The following SETD2 variants were observed in gnomAD, a reference collection of about 807,000 sequenced individuals.
SETD2 encodes the protein SET domain containing 2, histone lysine methyltransferase.
Under a neutral mutation model 242.1 loss-of-function variants are expected in SETD2, and 31 were observed. That is an observed-to-expected ratio of 0.13 (90% CI 0.10 to 0.17). The LOEUF (loss-of-function observed/expected upper bound fraction) is 0.17, where lower values mean the gene tolerates loss of function less well. Among genes scored for constraint, SETD2 ranks in the 10% least tolerant of loss-of-function variants. The pLI, the probability that SETD2 is intolerant of heterozygous loss-of-function variation, is 1.00. For missense variants in SETD2, 2,481 were observed against 3,046.3 expected (o/e 0.81, Z 4.37); for synonymous variants, 1,006 against 1,066.5 (o/e 0.94, Z 1.11).
At chr3:47,163,162 G>C (rs187233074) in intron 1 of SETD2, among the ~76,000 whole-genome samples, 1 of 152,326 alleles carries the variant, frequency 6.6e-6, no homozygotes, top group East Asian at 1.9e-4. Flanking sequence ...AAACAAACCC[G>C]GTGTCACCTC....
intron 12 of SETD2, among the ~76,000 whole-genome samples, chr3:47,071,902 T>C: frequency 6.6e-6 from 1 of 152,098 alleles, no homozygotes; most frequent in East Asian, 1.9e-4. Flanking sequence ...AAAAATATAC[T>C]GTAGAAACAG....
intron 1 of SETD2, among the ~76,000 whole-genome samples, chr3:47,161,334 T>C (rs1697483574): frequency 6.6e-6 from 1 of 152,172 alleles, no homozygotes; most frequent in Admixed American, 6.5e-5. Context: ...TTCAGAGAGA[T>C]GAAGTCATCG....
At position 47,122,649 on chromosome 3, in the gene SETD2, A is replaced by C. The variant is rs1183408470; in HGVS notation, c.1987T>G (p.Leu663Val). The change falls in exon 3 of 21, where the codon TTA (leucine) becomes GTA (valine). Residue 663 changes from leucine to valine, a missense_variant. Around this residue, in one of 17 missense-constraint regions of SETD2, gnomAD observed 1,300 missense variants for 1,259.2 expected, o/e 1.03. Coordinates refer to ENST00000409792, the MANE Select transcript of SETD2 (RefSeq NM_014159.7). ...DSLSKVKNDQ[L>V]RSFCPIELNI... is the part of the protein sequence containing the mutation. ...AATTCTATGGGACAAAAACTTCTTA[A>C]TTGATCATTCTTCACTTTAGATAAA... 1.2e-6 allele frequency: 2 copies of C among 1,613,496 alleles called. No individual in the cohort carries two copies. Among genetic ancestry groups the C allele is most frequent in the Admixed American group, 1.7e-5 (1 of 59,988 alleles).
At chr3:47,109,504 A>C (rs1390320330) in intron 5 of SETD2, among the ~76,000 whole-genome samples, 2 of 151,974 alleles carry the variant, frequency 1.3e-5, no homozygotes, top group Non-Finnish European at 2.9e-5. Flanking sequence ...AAAAATTAGC[A>C]GAGTATGGTA....
chr3:47,043,374 GA>G (rs1435427985), intron 16 of SETD2, among the ~76,000 whole-genome samples: 2 of 152,152 alleles, frequency 1.3e-5, no homozygotes, highest in Non-Finnish European at 2.9e-5. Context: ...CACTCACAGA[GA>G]AAAGGTATAT....
At chr3:47,139,475 C>G (rs2043676111) in intron 1 of SETD2, among the ~76,000 whole-genome samples, 1 of 152,194 alleles carries the variant, frequency 6.6e-6, no homozygotes, top group Non-Finnish European at 1.5e-5. Context: ...GAGACAAAGG[C>G]AACATCTTGT....
intron 12 of SETD2, among the ~76,000 whole-genome samples, chr3:47,075,505 G>A (rs1437580912): frequency 2.1e-5 from 3 of 141,170 alleles, no homozygotes; most frequent in African/African-American, 8.0e-5. Context: ...CAGAGGTTGT[G>A]GTGAGCCAAG....
At chr3:47,117,762 C>T (rs12487863) in intron 3 of SETD2, among the ~76,000 whole-genome samples, 4,652 of 152,278 alleles carry the variant, frequency 0.031, 232 homozygotes, top group East Asian at 0.13. Context: ...TGGAGAAGAA[C>T]ATAAACTGCT....
chr3:47,102,524 C>T (rs1229956761), intron 7 of SETD2, among the ~76,000 whole-genome samples: 1 of 152,214 alleles, frequency 6.6e-6, no homozygotes, highest in Non-Finnish European at 1.5e-5. Flanking sequence ...GGTGCGGAGG[C>T]TCACGCCTAT....
intron 14 of SETD2, among the ~76,000 whole-genome samples, chr3:47,058,440 C>CAAAAAAAAA (rs1174283471): frequency 5.0e-4 from 11 of 21,972 alleles, no homozygotes; most frequent in African/African-American, 2.2e-3. Context: ...GACACCGTCT[C>CAAAAAAAAA]AAAAAAAAAA....
chr3:47,101,597 A>AGTGTGTGTGT (rs61571386), intron 7 of SETD2, 42 bp from the exon 8 acceptor site: 31 of 734,108 alleles, frequency 4.2e-5, no homozygotes, highest in Middle Eastern at 3.0e-4. Context: ...GTAACTTATT[A>AGTGTGTGTGT]GTGTGTGTGT....
intron 5 of SETD2, among the ~76,000 whole-genome samples, chr3:47,108,395 G>A (rs1444011125): frequency 3.9e-5 from 6 of 152,108 alleles, no homozygotes; most frequent in Admixed American, 6.5e-5. Flanking sequence ...ATCTGGCATC[G>A]ATATTATGCC....
At chr3:47,048,110 C>T (rs367895050) in intron 15 of SETD2, among the ~76,000 whole-genome samples, 3 of 152,090 alleles carry the variant, frequency 2.0e-5, no homozygotes, top group Non-Finnish European at 4.4e-5. Flanking sequence ...TTTTTTAGGC[C>T]GGGGCACGGT....
At chr3:47,033,967 C>T (rs1286948612) in intron 18 of SETD2, among the ~76,000 whole-genome samples, 2 of 152,126 alleles carry the variant, frequency 1.3e-5, no homozygotes, top group Non-Finnish European at 2.9e-5. Context: ...CACAGGGTTT[C>T]ACCATGTTGG....
intron 5 of SETD2, among the ~76,000 whole-genome samples, chr3:47,110,835 T>G (rs1383543737): frequency 7.2e-5 from 11 of 152,068 alleles, no homozygotes; most frequent in Admixed American, 2.0e-4. Flanking sequence ...ACGGAAGAGC[T>G]TTAGGAAATT....
intron 1 of SETD2, among the ~76,000 whole-genome samples, chr3:47,130,165 A>C (rs536628096): frequency 6.6e-6 from 1 of 152,350 alleles, no homozygotes; most frequent in East Asian, 1.9e-4. Flanking sequence ...CAAGAGGGGT[A>C]GAAGGCAAGA....
rs2107744545 is a variant in SETD2 at position 47,120,672 on chromosome 3, G to C, written c.3964C>G (p.Arg1322Gly). ...GAATCTGGTACTTGTCCTTGAGTTC[G>C]ATCATACACAACCCCAGTTCCAGGA... Reference protein sequence around the residue: ...RPPGTGVVYDRTQGQVPDSLT... With the variant: ...RPPGTGVVYDGTQGQVPDSLT... The change falls in exon 3 of 21, where the codon CGA (arginine) becomes GGA (glycine). Residue 1322 changes from arginine (R) to glycine (G), a missense_variant. By Grantham distance (125) the Arg-to-Gly change is moderately radical. Around this residue, in one of 17 missense-constraint regions of SETD2, gnomAD observed 1,300 missense variants for 1,259.2 expected, o/e 1.03. Transcript: ENST00000409792. 2 of 1,614,018 alleles carry C rather than the reference G, an allele frequency of 1.2e-6. No individual in the cohort carries two copies. Among genetic ancestry groups the C allele is most frequent in the Non-Finnish European group, 1.7e-6 (2 of 1,180,036 alleles).
chr3:47,050,253 A>C (rs2039765210), intron 15 of SETD2, among the ~76,000 whole-genome samples: 1 of 152,082 alleles, frequency 6.6e-6, no homozygotes. Flanking sequence ...GTACCCTGAA[A>C]ATATGTACAC....
intron 13 of SETD2, among the ~76,000 whole-genome samples, chr3:47,065,617 G>A (rs534538303): frequency 2.0e-5 from 3 of 152,120 alleles, no homozygotes; most frequent in East Asian, 1.9e-4. Flanking sequence ...GTAACATAGC[G>A]AGACTCTGTC....
Sources: allele counts gnomAD v4.1 joint callset (sites outside exome capture counted in the v4.1 genomes callset), GRCh38; gene constraint gnomAD v4.1.1; regional missense constraint gnomAD v4.1.1; transcripts MANE v1.5; gene names NCBI Gene and HGNC (gene_info 2026-07-23, HGNC 2026-07-21).